LINGO2: variants seen among roughly 807,000 people sequenced by gnomAD.
LINGO2 encodes leucine rich repeat and Ig domain containing 2, also known as leucine-rich repeat and immunoglobulin-like domain-containing nogo receptor-interacting protein 2.
LINGO2 carries 14 observed loss-of-function variants against 30.6 expected under a neutral mutation model. The ratio of observed to expected loss-of-function variants is 0.46; its 90% confidence interval spans 0.30 to 0.72. LINGO2 has a LOEUF of 0.72. Among genes scored for constraint, LINGO2 ranks in the 30% least tolerant of loss-of-function variants. The pLI is 0.07. For synonymous variants in LINGO2, 317 were observed against 288.5 expected (o/e 1.10, Z -1.00); for missense variants, 729 against 751.7 (o/e 0.97, Z 0.35).
At chr9:27,962,918 A>G (rs994317415) in intron 5 of LINGO2, among the ~76,000 whole-genome samples, 1 of 152,184 alleles carries the variant, frequency 6.6e-6, no homozygotes, top group Non-Finnish European at 1.5e-5. Context: ...AAAACCTAGC[A>G]TGTAAAGTTG....
chr9:28,570,608 C>CA (rs5897307), intron 1 of LINGO2, among the ~76,000 whole-genome samples: 4,156 of 142,794 alleles, frequency 0.029, 192 homozygotes, highest in African/African-American at 0.093. Flanking sequence ...AAACAGTTTG[C>CA]AAAAAAAAAA....
intron 2 of LINGO2, among the ~76,000 whole-genome samples, chr9:28,435,034 C>T (rs1397176482): frequency 6.6e-6 from 1 of 152,080 alleles, no homozygotes; most frequent in Non-Finnish European, 1.5e-5. Flanking sequence ...AAAAGACCCA[C>T]TTTTTTTCTC....
At position 28,638,703 on chromosome 9, in the gene LINGO2, TCA is replaced by T. The variant is rs559161485; in HGVS notation, c.-365+31495_-365+31496del. Among the ~76,000 whole-genome samples the T allele has an allele frequency of 9.2e-3, 1,402 of 152,258 alleles. 25 individuals carry two copies. Among genetic ancestry groups the T allele is most frequent in the East Asian group, 0.079 (411 of 5,180 alleles). On this transcript the variant is annotated intron_variant, in intron 1 of 5. Coordinates refer to ENST00000379992, the Ensembl canonical transcript of LINGO2. ...TTTCTTATTGCATCTATTTGATCCT[TCA>T]CTCTTTTCTTCTTTATTAGTCTTGC...
At chr9:28,523,110 T>C (rs1198141432) in intron 1 of LINGO2, among the ~76,000 whole-genome samples, 1 of 150,504 alleles carries the variant, frequency 6.6e-6, no homozygotes, top group Non-Finnish European at 1.5e-5. Context: ...AGAAAATGAA[T>C]GTAAAAATAA....
At chr9:28,648,260 C>G (rs945109665) in intron 1 of LINGO2, among the ~76,000 whole-genome samples, 9 of 152,092 alleles carry the variant, frequency 5.9e-5, no homozygotes, top group African/African-American at 2.2e-4. Context: ...TTATGCTTCT[C>G]TAGTTGCTAC....
chr9:29,131,395 T>G, the LINGO2 span, among the ~76,000 whole-genome samples: 3 of 152,110 alleles, frequency 2.0e-5, no homozygotes. Context: ...ACACAAAGAC[T>G]GCTAAGTACC....
At chr9:29,119,849 T>G in the LINGO2 span, among the ~76,000 whole-genome samples, 1 of 152,060 alleles carries the variant, frequency 6.6e-6, no homozygotes, top group Non-Finnish European at 1.5e-5. Flanking sequence ...CCCCCCACCT[T>G]GGCCTCCCAA....
the LINGO2 span, among the ~76,000 whole-genome samples, chr9:28,820,439 T>C: frequency 2.6e-5 from 4 of 152,162 alleles, no homozygotes; most frequent in East Asian, 7.7e-4. Flanking sequence ...GCAAGCAGTA[T>C]AACAGCTTTA....
intron 4 of LINGO2, among the ~76,000 whole-genome samples, chr9:28,163,917 A>G: frequency 6.6e-6 from 1 of 152,214 alleles, no homozygotes; most frequent in South Asian, 2.1e-4. Context: ...GCCCAGAATT[A>G]AAATATCTTT....
intron 3 of LINGO2, among the ~76,000 whole-genome samples, chr9:28,325,028 A>T (rs546255852): frequency 6.6e-6 from 1 of 151,214 alleles, no homozygotes; most frequent in Non-Finnish European, 1.5e-5. Context: ...TCTTCCACGT[A>T]TCTCTCTTTC....
the LINGO2 span, among the ~76,000 whole-genome samples, chr9:28,976,872 A>G: frequency 4.6e-5 from 7 of 152,276 alleles, no homozygotes; most frequent in Middle Eastern, 3.4e-3. Flanking sequence ...TCATTAACTC[A>G]GAATATAAAA....
the LINGO2 span, among the ~76,000 whole-genome samples, chr9:29,074,726 C>T: frequency 2.2e-4 from 32 of 143,904 alleles, no homozygotes; most frequent in African/African-American, 7.7e-4. Flanking sequence ...CGCTCTCTCG[C>T]CCAGGCTGGA....
chr9:29,040,430 A>G, the LINGO2 span, among the ~76,000 whole-genome samples: 1 of 152,158 alleles, frequency 6.6e-6, no homozygotes, highest in East Asian at 1.9e-4. Context: ...ACTGAGTACA[A>G]TCCAGAAAAT....
intron 1 of LINGO2, among the ~76,000 whole-genome samples, chr9:28,628,338 A>C (rs1826778613): frequency 6.6e-6 from 1 of 152,138 alleles, no homozygotes; most frequent in Non-Finnish European, 1.5e-5. Context: ...TAAATACAGG[A>C]GTTCAGTTTC....
At chr9:28,314,828 C>T (rs1382834115) in intron 3 of LINGO2, among the ~76,000 whole-genome samples, 1 of 151,336 alleles carries the variant, frequency 6.6e-6, no homozygotes, top group African/African-American at 2.4e-5. Flanking sequence ...ACTAAAAATA[C>T]CAAAAAATTA....
At chr9:27,967,653 A>G (rs1051573346) in intron 5 of LINGO2, among the ~76,000 whole-genome samples, 17 of 152,184 alleles carry the variant, frequency 1.1e-4, no homozygotes, top group Non-Finnish European at 2.1e-4. Flanking sequence ...CCTATTGTCT[A>G]TCTATCTATT....
chr9:28,860,642 T>C, the LINGO2 span, among the ~76,000 whole-genome samples: 3 of 149,606 alleles, frequency 2.0e-5, no homozygotes, highest in Non-Finnish European at 4.4e-5. Context: ...AAGATGCATA[T>C]ATATAATCTG....
intron 1 of LINGO2, among the ~76,000 whole-genome samples, chr9:28,506,457 T>TACAC (rs1820128132): frequency 5.8e-5 from 1 of 17,216 alleles, no homozygotes; most frequent in Non-Finnish European, 3.2e-4. Flanking sequence ...CACACACACA[T>TACAC]ACACATACAC....
At chr9:28,128,821 G>C (rs1351442219) in intron 4 of LINGO2, among the ~76,000 whole-genome samples, 1 of 151,784 alleles carries the variant, frequency 6.6e-6, no homozygotes, top group African/African-American at 2.4e-5. Context: ...AGGATGCAAA[G>C]TATTGTTTCT....
Sources: gnomAD v4.1 joint callset for allele counts (sites outside exome capture counted in the v4.1 genomes callset) on GRCh38, gnomAD v4.1.1 for gene constraint, MANE v1.5 for transcripts, NCBI Gene and HGNC (gene_info 2026-07-23, HGNC 2026-07-21) for gene names.